Variants in TXNDC16 observed in about 807,000 individuals in gnomAD.
TXNDC16 encodes thioredoxin domain containing 16.
Under a neutral mutation model 85.6 loss-of-function variants are expected in TXNDC16, and 74 were observed. The observed-to-expected ratio is 0.86, with a 90% confidence interval of 0.72 to 1.05. The LOEUF is 1.05. Among genes scored for constraint, TXNDC16 ranks in the 50% least tolerant of loss-of-function variants. The probability of loss-of-function intolerance (pLI) is 0.00; values close to 1 mark genes in which losing one functional copy is unlikely to be tolerated. For synonymous variants in TXNDC16, 335 were observed against 326.5 expected (o/e 1.03, Z -0.28); for missense variants, 959 against 947.0 (o/e 1.01, Z -0.17).
intron 17 of TXNDC16, among the ~76,000 whole-genome samples, chr14:52,455,952 G>T (rs1356717976): frequency 6.6e-6 from 1 of 152,116 alleles, no homozygotes; most frequent in Non-Finnish European, 1.5e-5. Context: ...GTGATAAATG[G>T]CAGACACAGA....
chr14:52,489,238 A>G (rs573631144), intron 11 of TXNDC16, among the ~76,000 whole-genome samples: 90 of 152,344 alleles, frequency 5.9e-4, no homozygotes, highest in Admixed American at 2.7e-3. Context: ...TTAGCTATAA[A>G]CAACACTAAA....
chr14:52,521,037 T>C (rs1300771747), intron 6 of TXNDC16, among the ~76,000 whole-genome samples: 2 of 152,074 alleles, frequency 1.3e-5, no homozygotes, highest in African/African-American at 4.8e-5. Flanking sequence ...CATCATTACA[T>C]GTTAACATAA....
intron 18 of TXNDC16, among the ~76,000 whole-genome samples, chr14:52,453,909 G>A (rs890691725): frequency 2.0e-5 from 3 of 152,118 alleles, no homozygotes; most frequent in Non-Finnish European, 1.5e-5. Flanking sequence ...GGGGAGGGGG[G>A]AAGTAGGGAT....
chr14:52,550,593 T>A (rs896563282), intron 1 of TXNDC16, among the ~76,000 whole-genome samples: 9 of 152,198 alleles, frequency 5.9e-5, no homozygotes, highest in Non-Finnish European at 1.3e-4. Context: ...CAGGTAAGCC[T>A]CACAGGCCAA....
At chr14:52,475,168 G>A (rs2140137272) in intron 14 of TXNDC16, among the ~76,000 whole-genome samples, 1 of 152,252 alleles carries the variant, frequency 6.6e-6, no homozygotes, top group Non-Finnish European at 1.5e-5. Flanking sequence ...AAATCCCTGT[G>A]GACTAGCTGG....
At chr14:52,490,517 C>A in intron 10 of TXNDC16, 66 bp from the exon 11 acceptor site, 1 of 1,217,566 alleles carries the variant, frequency 8.2e-7, no homozygotes, top group South Asian at 1.5e-5. Context: ...CCCAGGACTT[C>A]AATAGAAAAT....
At chr14:52,543,864 TAG>T (rs369946910) in intron 2 of TXNDC16, among the ~76,000 whole-genome samples, 7 of 152,214 alleles carry the variant, frequency 4.6e-5, no homozygotes, top group African/African-American at 1.4e-4. Flanking sequence ...CTCAATTTAG[TAG>T]AGTGTGTTAA....
rs543771897 is a variant in TXNDC16, at chr14:52,543,461, G to C, written c.97C>G (p.Pro33Ala). 3.1e-6 allele frequency: 5 copies of C among 1,613,286 alleles called. No homozygotes were observed. In the South Asian group the frequency reaches 5.5e-5, roughly 18 times the overall value. Reference sequence around the variant, plus strand: ...TGCAATGTACTAAAATATTTCTGAGGACTCAGTTCTGGTAAAGAGTTTACT... The same window carrying C: ...TGCAATGTACTAAAATATTTCTGAGCACTCAGTTCTGGTAAAGAGTTTACT... ...PTVNSLPELS[P>A]QKYFSTLQPG... Residue 33 changes from proline to alanine, a missense_variant, in exon 3 of 21, where the codon CCT (proline) becomes GCT (alanine). By Grantham distance (27) the Pro-to-Ala change is conservative (BLOSUM62 -1). Transcript: ENST00000281741.
intron 17 of TXNDC16, among the ~76,000 whole-genome samples, chr14:52,456,433 C>T (rs975341716): frequency 6.6e-5 from 10 of 152,180 alleles, no homozygotes; most frequent in Admixed American, 4.6e-4. Flanking sequence ...AGCCTGATCA[C>T]CAAGAGCATA....
In TXNDC16 at chr14:52,432,507, G is replaced by A. The variant is rs367573078; in HGVS notation, c.2275C>T (p.Arg759Cys). The stretch of plus-strand genomic sequence containing the variant: ...CACTTGGGAACTTTCCTAGTGCCAC[G>A]TTGAGATGTTGCGGCATCTATCATA... ...LSMIDAATSQRGTRKVPKCMK... is the reference protein window; with the variant it reads ...LSMIDAATSQCGTRKVPKCMK... Residue 759 changes from arginine to cysteine, a missense_variant, in exon 21 of 21, where the codon CGT becomes TGT. Arg to Cys is a radical substitution (Grantham distance 180, BLOSUM62 -3). Transcript: ENST00000281741. 1.8e-5 allele frequency: 29 copies of A among 1,613,718 alleles called. No individual in the cohort carries two copies. Among genetic ancestry groups the A allele is most frequent in the Admixed American group, 1.0e-4 (6 of 59,990 alleles).
Position 52,543,439 on chromosome 14 carries a change from A to T in TXNDC16, c.119T>A (p.Leu40Ter). ...AGCTAAAGAGGCTTTTCCTGGTTGC[A>T]ATGTACTAAAATATTTCTGAGGACT... ...ELSPQKYFST[L>*]QPGKASLAYF... Residue 40 changes from leucine (L) to a stop codon, truncating the protein, a stop_gained, in exon 3 of 21, where the codon TTG becomes TAG. Transcript: ENST00000281741. LOFTEE classifies it high-confidence loss of function. 6.2e-7 allele frequency: 1 copy of T among 1,612,460 alleles called. No homozygotes were observed. The highest frequency in any genetic ancestry group is 8.5e-7 in the Non-Finnish European group (1 of 1,179,416).
intron 20 of TXNDC16, 74 bp downstream of exon 20, chr14:52,439,130 T>A: frequency 7.2e-7 from 1 of 1,392,810 alleles, no homozygotes; most frequent in East Asian, 2.4e-5. Flanking sequence ...TACCATTCTT[T>A]AGCTATATTT....
chr14:52,484,014 G>A (rs575277480), intron 12 of TXNDC16, among the ~76,000 whole-genome samples: 1 of 152,248 alleles, frequency 6.6e-6, no homozygotes, highest in South Asian at 2.1e-4. Flanking sequence ...GCATGTAAGA[G>A]CATGGTGCAA....
intron 18 of TXNDC16, among the ~76,000 whole-genome samples, chr14:52,446,280 G>A (rs1382050942): frequency 1.3e-5 from 2 of 152,210 alleles, no homozygotes; most frequent in African/African-American, 4.8e-5. Flanking sequence ...CACAGCAATT[G>A]TGAGACTCTG....
chr14:52,479,738 C>G (rs1594713393), intron 14 of TXNDC16, among the ~76,000 whole-genome samples: 1 of 152,054 alleles, frequency 6.6e-6, no homozygotes, highest in South Asian at 2.1e-4. Context: ...TGAAAATGAC[C>G]ATACTGCCAA....
At chr14:52,505,115 A>G (rs560714802) in intron 9 of TXNDC16, among the ~76,000 whole-genome samples, 2 of 152,308 alleles carry the variant, frequency 1.3e-5, no homozygotes, top group South Asian at 4.1e-4. Context: ...CACACACAAT[A>G]ATAATGGGAG....
intron 4 of TXNDC16, among the ~76,000 whole-genome samples, chr14:52,540,364 C>T (rs555763636): frequency 1.1e-4 from 17 of 152,230 alleles, no homozygotes; most frequent in South Asian, 4.1e-4. Flanking sequence ...GTGGCTCATG[C>T]CTGTAATCCC....
At chr14:52,498,923 A>G (rs2036592930) in intron 9 of TXNDC16, among the ~76,000 whole-genome samples, 1 of 152,182 alleles carries the variant, frequency 6.6e-6, no homozygotes, top group East Asian at 1.9e-4. Flanking sequence ...TTCAAAATAT[A>G]TTACAAAGCT....
At chr14:52,502,866 A>G (rs1343083178) in intron 9 of TXNDC16, among the ~76,000 whole-genome samples, 1 of 151,984 alleles carries the variant, frequency 6.6e-6, no homozygotes. Flanking sequence ...AAATTGGGTC[A>G]CTCCCACCCT....
Sources: gnomAD v4.1 joint callset for allele counts (sites outside exome capture counted in the v4.1 genomes callset) on GRCh38, gnomAD v4.1.1 for gene constraint, MANE v1.5 for transcripts, NCBI Gene and HGNC (gene_info 2026-07-23, HGNC 2026-07-21) for gene names.